The following GPC5 variants were observed in gnomAD, a reference collection of about 807,000 sequenced individuals.
GPC5 encodes the protein glypican-5.
In GPC5, 47 loss-of-function variants were observed where a neutral mutation model predicts 53.9. That is an observed-to-expected ratio of 0.87 (90% CI 0.69 to 1.11). The LOEUF (loss-of-function observed/expected upper bound fraction) is 1.11, where lower values mean the gene tolerates loss of function less well. GPC5 is among the 50% of genes most tolerant of loss of function. GPC5 has a pLI of 0.00. For synonymous variants in GPC5, 286 were observed against 263.3 expected, an observed-to-expected ratio of 1.09 and a Z score of -0.84; for missense variants, 748 against 713.1, an observed-to-expected ratio of 1.05 and a Z score of -0.56.
intron 2 of GPC5, among the ~76,000 whole-genome samples, chr13:91,645,246 C>G (rs1474454000): frequency 6.6e-6 from 1 of 152,100 alleles, no homozygotes; most frequent in African/African-American, 2.4e-5. Context: ...TTTTGTAGTG[C>G]CATCTTTGAC....
chr13:92,623,758 A>C (rs1299694964), intron 7 of GPC5, among the ~76,000 whole-genome samples: 1 of 152,102 alleles, frequency 6.6e-6, no homozygotes, highest in Non-Finnish European at 1.5e-5. Context: ...TAAAAAAAAA[A>C]CCAGTGAAAT....
chr13:91,962,200 G>C (rs1418619693), intron 6 of GPC5, among the ~76,000 whole-genome samples: 5 of 152,134 alleles, frequency 3.3e-5, no homozygotes. Context: ...ACAGGCTGAA[G>C]TGTGCTGAAG....
intron 1 of GPC5, among the ~76,000 whole-genome samples, chr13:91,413,053 A>T (rs1877924783): frequency 6.6e-6 from 1 of 152,208 alleles, no homozygotes; most frequent in Non-Finnish European, 1.5e-5. Context: ...AGGCCAAGGC[A>T]GGAGGATTTC....
intron 7 of GPC5, among the ~76,000 whole-genome samples, chr13:92,734,103 G>A (rs1004741748): frequency 6.6e-6 from 1 of 151,770 alleles, no homozygotes; most frequent in African/African-American, 2.4e-5. Flanking sequence ...TTGGCCTGTG[G>A]TCAGCATATA....
At chr13:92,529,770 A>C (rs934672141) in intron 7 of GPC5, among the ~76,000 whole-genome samples, 2 of 152,182 alleles carry the variant, frequency 1.3e-5, no homozygotes, top group African/African-American at 4.8e-5. Context: ...AGTCATATTA[A>C]GCACTAAAAT....
intron 7 of GPC5, among the ~76,000 whole-genome samples, chr13:92,265,336 A>G (rs184605935): frequency 0.011 from 1,671 of 152,230 alleles, 27 homozygotes; most frequent in African/African-American, 0.038. Flanking sequence ...TATTTTGCTG[A>G]GAAATTTCTT....
At chr13:92,502,656 C>T (rs1009370213) in intron 7 of GPC5, among the ~76,000 whole-genome samples, 1 of 151,874 alleles carries the variant, frequency 6.6e-6, no homozygotes, top group African/African-American at 2.4e-5. Context: ...GAAAACAATC[C>T]CAATGTGTAT....
intron 2 of GPC5, chr13:91,485,773 A>C (rs1176203909): frequency 6.6e-6 from 1 of 152,242 alleles, no homozygotes; most frequent in Non-Finnish European, 1.5e-5. Context: ...AGCATTTTCA[A>C]AATGGAGAAG....
intron 6 of GPC5, among the ~76,000 whole-genome samples, chr13:92,028,025 G>A (rs2040813311): frequency 6.6e-6 from 1 of 152,164 alleles, no homozygotes; most frequent in African/African-American, 2.4e-5. Flanking sequence ...TTAGTAAAAA[G>A]TAAATGTCAA....
chr13:91,494,358 T>A (rs528450455), intron 2 of GPC5, among the ~76,000 whole-genome samples: 2,881 of 137,900 alleles, frequency 0.021, 86 homozygotes, highest in African/African-American at 0.081. Flanking sequence ...TTTTATTAAT[T>A]ATTATTATTA....
chr13:91,583,942 A>C (rs912632109), intron 2 of GPC5, among the ~76,000 whole-genome samples: 1 of 152,184 alleles, frequency 6.6e-6, no homozygotes, highest in Admixed American at 6.5e-5. Flanking sequence ...ATTTGTATGT[A>C]ATCCCTGCTA....
chr13:92,405,846 T>C (rs999052557), intron 7 of GPC5, among the ~76,000 whole-genome samples: 1 of 151,080 alleles, frequency 6.6e-6, no homozygotes, highest in Non-Finnish European at 1.5e-5. Flanking sequence ...TAGGCACAAA[T>C]AGTTAAGAAG....
chr13:91,748,038 G>T (rs530887419), intron 4 of GPC5, among the ~76,000 whole-genome samples: 2 of 152,304 alleles, frequency 1.3e-5, no homozygotes, highest in Admixed American at 1.3e-4. Context: ...CAATAAATCT[G>T]ATTGTTTGAG....
At chr13:92,304,141 T>A (rs992874836) in intron 7 of GPC5, among the ~76,000 whole-genome samples, 1 of 152,118 alleles carries the variant, frequency 6.6e-6, no homozygotes, top group East Asian at 1.9e-4. Context: ...GTTTTACTCC[T>A]GTTCTCAGGT....
intron 7 of GPC5, among the ~76,000 whole-genome samples, chr13:92,375,190 G>A (rs1035073557): frequency 6.6e-6 from 1 of 152,186 alleles, no homozygotes; most frequent in Admixed American, 6.5e-5. Context: ...GGCTAAGGGA[G>A]CATCTTTGAA....
chr13:92,492,546 TAAAA>T (rs1566614485), intron 7 of GPC5, among the ~76,000 whole-genome samples: 4 of 151,412 alleles, frequency 2.6e-5, no homozygotes. Flanking sequence ...TAAATAAAAA[TAAAA>T]CAAAACAAAA....
chr13:92,744,781 A>G (rs1889199889), intron 7 of GPC5, among the ~76,000 whole-genome samples: 1 of 152,074 alleles, frequency 6.6e-6, no homozygotes, highest in Non-Finnish European at 1.5e-5. Context: ...AATTCTGACT[A>G]TAGCAAACCT....
chr13:91,522,168 G>A (rs1174846254), intron 2 of GPC5, among the ~76,000 whole-genome samples: 5 of 152,162 alleles, frequency 3.3e-5, no homozygotes, highest in Non-Finnish European at 7.3e-5. Flanking sequence ...TAGAGATGAT[G>A]TAAACCTTTG....
chr13:91,601,946 G>T (rs2033194273), intron 2 of GPC5, among the ~76,000 whole-genome samples: 1 of 152,162 alleles, frequency 6.6e-6, no homozygotes, highest in Non-Finnish European at 1.5e-5. Context: ...GAGGAGTGCT[G>T]GGATAGGGTG....
Sources: gnomAD v4.1 joint callset for allele counts (sites outside exome capture counted in the v4.1 genomes callset) on GRCh38, gnomAD v4.1.1 for gene constraint, MANE v1.5 for transcripts, NCBI Gene and HGNC (gene_info 2026-07-23, HGNC 2026-07-21) for gene names.